MARCHF1: variants seen among roughly 807,000 people sequenced by gnomAD.
The protein encoded by MARCHF1 is membrane associated ring-CH-type finger 1.
In MARCHF1, 40 loss-of-function variants were observed where a neutral mutation model predicts 54.2. The ratio of observed to expected loss-of-function variants is 0.74; its 90% confidence interval spans 0.57 to 0.96. The LOEUF (loss-of-function observed/expected upper bound fraction) is 0.96, where lower values mean the gene tolerates loss of function less well. Ranked by LOEUF, MARCHF1 falls within the 40% of genes least tolerant of loss-of-function variation. The pLI is 0.00. For synonymous variants in MARCHF1, 236 were observed against 236.3 expected (o/e 1.00, Z 0.01); for missense variants, 586 against 656.5 (o/e 0.89, Z 1.17).
At chr4:163,539,837 TC>T (rs984209068) in intron 9 of MARCHF1, among the ~76,000 whole-genome samples, 5 of 152,242 alleles carry the variant, frequency 3.3e-5, no homozygotes, top group African/African-American at 1.2e-4. Context: ...TGCCAACCTT[TC>T]AGACCACAGT....
intron 4 of MARCHF1, among the ~76,000 whole-genome samples, chr4:163,791,302 T>C (rs945552910): frequency 2.0e-5 from 3 of 152,128 alleles, no homozygotes; most frequent in Non-Finnish European, 4.4e-5. Flanking sequence ...GTTTTCATCA[T>C]AATATGCCCA....
intron 1 of MARCHF1, among the ~76,000 whole-genome samples, chr4:164,323,415 C>A (rs1295892337): frequency 6.6e-6 from 1 of 151,072 alleles, no homozygotes; most frequent in Admixed American, 6.6e-5. Flanking sequence ...TAATGCATAT[C>A]TTTTAAAATA....
In MARCHF1 at chr4:163,811,964, C is replaced by T. The variant is rs373907559; in HGVS notation, c.111+42057G>A. Among the ~76,000 whole-genome samples the T allele has an allele frequency of 5.3e-4, 81 of 152,216 alleles. 1 individual carries two copies. Among genetic ancestry groups the T allele is most frequent in the South Asian group, 3.7e-3 (18 of 4,822 alleles). On this transcript the variant is annotated intron_variant, in intron 4 of 9. Transcript: ENST00000514618. ...TTGCTAGACTGAGTATAGCAAATGA[C>T]TCTCCCCAATGTGGTGGACATCATC...
At chr4:164,218,824 A>T (rs1317928818) in intron 1 of MARCHF1, among the ~76,000 whole-genome samples, 1 of 151,644 alleles carries the variant, frequency 6.6e-6, no homozygotes, top group Non-Finnish European at 1.5e-5. Context: ...TGTTGTGCAC[A>T]TGTACCCGAA....
intron 4 of MARCHF1, among the ~76,000 whole-genome samples, chr4:163,802,868 G>A (rs1188878304): frequency 1.3e-5 from 2 of 152,178 alleles, no homozygotes; most frequent in African/African-American, 4.8e-5. Context: ...TTATGTTACA[G>A]AGAGTTATTA....
chr4:164,140,613 TC>T (rs1756508750), intron 1 of MARCHF1, among the ~76,000 whole-genome samples: 1 of 152,194 alleles, frequency 6.6e-6, no homozygotes, highest in African/African-American at 2.4e-5. Context: ...GAGATGGATT[TC>T]AGACTGATCT....
At chr4:163,585,434 A>G (rs1164767198) in intron 8 of MARCHF1, 1 of 171,334 alleles carries the variant, frequency 5.8e-6, no homozygotes, top group East Asian at 1.5e-4. Flanking sequence ...CATCAATTCA[A>G]TTACATTGAA....
At chr4:163,960,447 C>A (rs1222670928) in intron 3 of MARCHF1, among the ~76,000 whole-genome samples, 1 of 151,990 alleles carries the variant, frequency 6.6e-6, no homozygotes, top group Non-Finnish European at 1.5e-5. Flanking sequence ...AAACTTGGTA[C>A]ATTTACATTA....
At chr4:164,206,188 G>A (rs1398016807) in intron 1 of MARCHF1, among the ~76,000 whole-genome samples, 1 of 152,172 alleles carries the variant, frequency 6.6e-6, no homozygotes, top group Non-Finnish European at 1.5e-5. Flanking sequence ...TGCAATCCCA[G>A]CACTTTGGGA....
intron 9 of MARCHF1, among the ~76,000 whole-genome samples, chr4:163,542,768 G>A (rs754397229): frequency 9.2e-5 from 14 of 152,282 alleles, no homozygotes; most frequent in Non-Finnish European, 1.9e-4. Context: ...TCTAGTGAAC[G>A]CCCAGGTGAT....
chr4:164,145,210 CA>C (rs535376647), intron 1 of MARCHF1, among the ~76,000 whole-genome samples: 1 of 151,994 alleles, frequency 6.6e-6, no homozygotes, highest in Non-Finnish European at 1.5e-5. Flanking sequence ...AGTCCAGGAC[CA>C]GATGGATTCA....
Position 163,700,845 on chromosome 4 carries a change from G to A in MARCHF1, c.130C>T (p.Arg44Ter), listed in dbSNP as rs867253866. 7.8e-6 allele frequency: 12 copies of A among 1,535,964 alleles called. No individual in the cohort carries two copies. The highest frequency in any genetic ancestry group is 2.4e-5 in the South Asian group (2 of 84,014). The change falls in exon 5 of 10, where the codon CGA (arginine) becomes TGA (stop). Residue 44 changes from arginine to a stop codon, truncating the protein, a stop_gained. Coordinates refer to ENST00000514618, the MANE Select transcript of MARCHF1 (RefSeq NM_001394959.1). LOFTEE classifies it high-confidence loss of function. Reference protein sequence around the residue: ...TSTLNEKSPGRSASRSSNISK... With the variant: ...TSTLNEKSPG ...ATGTTACTTGATCGACTTGCAGATC[G>A]CCCTGGGGATTTTTCATTCTGAAAA...
At chr4:163,866,036 T>C (rs975496383) in intron 3 of MARCHF1, among the ~76,000 whole-genome samples, 2 of 151,744 alleles carry the variant, frequency 1.3e-5, no homozygotes, top group African/African-American at 4.8e-5. Context: ...ACACTGTAAC[T>C]CTTCTAAAAG....
At chr4:164,024,185 T>C (rs1039208204) in intron 2 of MARCHF1, among the ~76,000 whole-genome samples, 12 of 151,962 alleles carry the variant, frequency 7.9e-5, no homozygotes, top group African/African-American at 2.9e-4. Flanking sequence ...TCCATGAAAA[T>C]TTTTCTGTTC....
At chr4:164,245,411 A>T (rs1366304744) in intron 1 of MARCHF1, among the ~76,000 whole-genome samples, 1 of 152,258 alleles carries the variant, frequency 6.6e-6, no homozygotes. Flanking sequence ...GCTTCATGCT[A>T]AAAACTCTCA....
intron 1 of MARCHF1, among the ~76,000 whole-genome samples, chr4:164,257,151 G>C (rs182792581): frequency 6.6e-6 from 1 of 152,200 alleles, no homozygotes; most frequent in East Asian, 1.9e-4. Context: ...TTGATGGTTA[G>C]TTAATACTTA....
At chr4:164,067,761 G>A (rs949799744) in intron 2 of MARCHF1, among the ~76,000 whole-genome samples, 58 of 152,074 alleles carry the variant, frequency 3.8e-4, no homozygotes, top group African/African-American at 1.3e-3. Flanking sequence ...GCTCCTGCAC[G>A]GCAATGAAAC....
At chr4:163,720,317 TG>T (rs1298541136) in intron 4 of MARCHF1, among the ~76,000 whole-genome samples, 4 of 152,246 alleles carry the variant, frequency 2.6e-5, no homozygotes, top group African/African-American at 9.6e-5. Context: ...TTGTCAGGTT[TG>T]TCAAAGATCA....
intron 1 of MARCHF1, among the ~76,000 whole-genome samples, chr4:164,303,329 G>C (rs1426562282): frequency 6.6e-6 from 1 of 152,174 alleles, no homozygotes; most frequent in African/African-American, 2.4e-5. Flanking sequence ...TTTCTCATAA[G>C]AGTGCATATT....
Sources: allele counts gnomAD v4.1 joint callset (sites outside exome capture counted in the v4.1 genomes callset), GRCh38; gene constraint gnomAD v4.1.1; transcripts MANE v1.5; gene names NCBI Gene and HGNC (gene_info 2026-07-23, HGNC 2026-07-21).